Variants in BRD9 observed in about 807,000 individuals in gnomAD.
BRD9 encodes bromodomain-containing protein 9.
BRD9 carries 47 observed loss-of-function variants against 68.7 expected under a neutral mutation model. The observed-to-expected ratio is 0.68, with a 90% confidence interval of 0.54 to 0.87. BRD9 has a LOEUF of 0.87. BRD9 is among the 40% of genes least tolerant of loss of function. BRD9 has a pLI of 0.00. For synonymous variants in BRD9, 313 were observed against 293.9 expected (o/e 1.06, Z -0.67); for missense variants, 670 against 748.4 (o/e 0.90, Z 1.22).
intron 3 of BRD9, 69 bp downstream of exon 3, chr5:891,086 C>A: frequency 6.8e-7 from 1 of 1,469,674 alleles, no homozygotes; most frequent in Non-Finnish European, 9.1e-7. Flanking sequence ...CAACAGGACA[C>A]GGTGCCGACC....
At position 892,764 on chromosome 5, in the gene BRD9, C is replaced by CGCCGAGGTTGCCGAGCTCGCTGG. The variant is rs1560939113; in HGVS notation, c.-130_-108dup. 1.7e-6 allele frequency: 2 copies of CGCCGAGGTTGCCGAGCTCGCTGG among 1,145,736 alleles called. No homozygotes were observed. Among genetic ancestry groups the CGCCGAGGTTGCCGAGCTCGCTGG allele is most frequent in the Non-Finnish European group, 2.2e-6 (2 of 911,688 alleles). 71.0% of individuals were successfully genotyped at this position (1,145,736 alleles called of 1,614,324 possible). ...CCTGGCTGGCCGCCCGCGCTCGCTG[C>CGCCGAGGTTGCCGAGCTCGCTGG]GCCGAGGTTGCCGAGCTCGCTGGGC... On this transcript the variant is annotated 5_prime_UTR_variant, in exon 1 of 16. Transcript: ENST00000467963.
chr5:891,098 C>T, intron 3 of BRD9, 57 bp downstream of exon 3: 1 of 1,492,676 alleles, frequency 6.7e-7, no homozygotes, highest in Non-Finnish European at 9.0e-7. Context: ...GTGCCGACCC[C>T]TCATTTACAA....
rs1480803212 is a variant in BRD9 at position 892,302 on chromosome 5, A to C, written c.52+304T>G. The C allele has an allele frequency of 9.2e-6, 5 of 544,854 alleles. No individual in the cohort carries two copies. The Admixed American group carries it at 2.0e-4, about 22-fold the overall frequency. The allele number at this position is 544,854 out of a possible 1,614,324, so 33.8% of individuals were successfully genotyped here. ...GGAAAGGCGGGAGAAAGGGCAGCCC[A>C]GCTTCTCCCTGAGCTCCACACAAAA... is the stretch of plus-strand genomic sequence containing the variant. On this transcript the variant is annotated intron_variant, in intron 1 of 15. Transcript: ENST00000467963.
chr5:873,178 AAAAG>A (rs1018439808), intron 12 of BRD9, among the ~76,000 whole-genome samples: 7 of 152,192 alleles, frequency 4.6e-5, no homozygotes, highest in Non-Finnish European at 1.0e-4. Flanking sequence ...AAAAGAAAAA[AAAAG>A]AAAGAAAGTA....
chr5:876,178 T>G lies in BRD9; in HGVS notation c.1306A>C (p.Ser436Arg). The G allele has an allele frequency of 6.2e-7, 1 of 1,613,774 alleles. No homozygotes were observed. The highest frequency in any genetic ancestry group is 1.6e-4 in the Middle Eastern group (1 of 6,062). Residue 436 changes from serine (S) to arginine (R), a missense_variant, in exon 12 of 16, where the codon AGC becomes CGC. Physicochemically the swap from Ser to Arg is moderately radical, Grantham distance 110. Around this residue, in one of 5 missense-constraint regions of BRD9, gnomAD observed 280 missense variants for 281.5 expected, o/e 0.99. Transcript: ENST00000467963. The part of the protein sequence containing the change: ...QEFVKDAGSY[S>R]KKVVDDLLDQ... ...AGGAGGTCGTCCACCACTTTCTTGC[T>G]GTAGCTCCCAGCATCCTTCACAAAC...
chr5:881,902 C>T (rs1215535220), intron 8 of BRD9: 3 of 152,560 alleles, frequency 2.0e-5, no homozygotes, highest in African/African-American at 7.2e-5. Context: ...GGAGACAAGT[C>T]CTCACGGCGC....
intron 10 of BRD9, 126 bp from the exon 11 acceptor site, chr5:878,613 T>G: frequency 7.5e-7 from 1 of 1,340,226 alleles, no homozygotes; most frequent in Non-Finnish European, 1.0e-6. Flanking sequence ...TCACCTCTCT[T>G]GCTCTCCACA....
intron 8 of BRD9, chr5:881,601 C>T (rs1477019385): frequency 2.0e-5 from 5 of 248,992 alleles, no homozygotes; most frequent in Non-Finnish European, 2.4e-5. Flanking sequence ...GTGTACAGGC[C>T]ATCAGGAGGA....
chr5:892,785 T>C lies in BRD9; in HGVS notation c.-128A>G, dbSNP rs1753664466. The stretch of plus-strand genomic sequence containing the variant: ...GCTGCGCCGAGGTTGCCGAGCTCGC[T>C]GGGCCGCGCCGGAAACGGGGCGAGG... On this transcript the variant is annotated 5_prime_UTR_variant, in exon 1 of 16. Coordinates refer to ENST00000467963, the MANE Select transcript of BRD9 (RefSeq NM_023924.5). The C allele has an allele frequency of 2.8e-6, 3 of 1,073,194 alleles. No homozygotes were observed. Among genetic ancestry groups the C allele is most frequent in the Non-Finnish European group, 3.5e-6 (3 of 847,340 alleles). The allele number at this position is 1,073,194 out of a possible 1,614,324, so 66.5% of individuals were successfully genotyped here. A position where few individuals can be genotyped will look rare whatever the true frequency, so the allele number is the denominator to read the frequency against.
chr5:884,185 G>A, intron 7 of BRD9, 115 bp from the exon 8 acceptor site: 1 of 1,339,078 alleles, frequency 7.5e-7, no homozygotes. Context: ...ACACAGAGCT[G>A]GCAGAGCATA....
At chr5:865,232 C>T (rs1749193715) in intron 15 of BRD9, among the ~76,000 whole-genome samples, 182 bp downstream of exon 15, 1 of 152,260 alleles carries the variant, frequency 6.6e-6, no homozygotes, top group African/African-American at 2.4e-5. Context: ...CCCAGCTCCG[C>T]TCCGGCTCTG....
chr5:883,192 C>T (rs566132711), intron 8 of BRD9: 3 of 386,614 alleles, frequency 7.8e-6, no homozygotes, highest in African/African-American at 2.1e-5. Context: ...CTCTGAAATG[C>T]CCCCACTTCA....
At chr5:891,975 C>T in intron 1 of BRD9, 121 bp from the exon 2 acceptor site, 2 of 1,432,862 alleles carry the variant, frequency 1.4e-6, no homozygotes, top group Non-Finnish European at 1.8e-6. Flanking sequence ...GGCTGCCAAC[C>T]AGCAGGGAAA....
At chr5:886,934 G>T in intron 6 of BRD9, 1 of 679,040 alleles carries the variant, frequency 1.5e-6, no homozygotes, top group Non-Finnish European at 2.4e-6. Context: ...CACCGCCAGA[G>T]CGCGGCAGGT....
chr5:886,899 G>T, intron 6 of BRD9, 192 bp from the exon 7 acceptor site: 1 of 1,015,678 alleles, frequency 9.8e-7, no homozygotes, highest in Non-Finnish European at 1.4e-6. Context: ...GCGGAGCAGC[G>T]GGAGGTGGTT....
intron 1 of BRD9, chr5:892,271 AGGGAGGGAAAGGC>A: frequency 2.1e-6 from 1 of 475,906 alleles, no homozygotes. Flanking sequence ...AGCAAGGGAG[AGGGAGGGAAAGGC>A]GGGAGAAAGG....
At chr5:887,604 C>A in intron 5 of BRD9, 133 bp from the exon 6 acceptor site, 1 of 714,744 alleles carries the variant, frequency 1.4e-6, no homozygotes, top group African/African-American at 1.8e-5. Context: ...GCTCTCTGAT[C>A]TAAACATAAC....
At chr5:869,769 G>A (rs1749868947) in intron 14 of BRD9, among the ~76,000 whole-genome samples, 1 of 152,124 alleles carries the variant, frequency 6.6e-6, no homozygotes, top group Non-Finnish European at 1.5e-5. Flanking sequence ...CCAACGACCC[G>A]ACATTCCTCG....
intron 11 of BRD9, among the ~76,000 whole-genome samples, chr5:877,766 G>C (rs1251258799): frequency 6.6e-6 from 1 of 152,166 alleles, no homozygotes; most frequent in African/African-American, 2.4e-5. Flanking sequence ...ATTATACTTG[G>C]AGCTGGGGAC....
Sources: allele counts gnomAD v4.1 joint callset (sites outside exome capture counted in the v4.1 genomes callset), GRCh38; gene constraint gnomAD v4.1.1; regional missense constraint gnomAD v4.1.1; transcripts MANE v1.5; gene names NCBI Gene and HGNC (gene_info 2026-07-23, HGNC 2026-07-21).